SNX29: variants seen among roughly 807,000 people sequenced by gnomAD.
The protein encoded by SNX29 is sorting nexin 29, also known as sorting nexin-29.
SNX29 carries 78 observed loss-of-function variants against 102.1 expected under a neutral mutation model. The ratio of observed to expected loss-of-function variants is 0.76; its 90% confidence interval spans 0.64 to 0.92. The LOEUF is 0.92. Among genes scored for constraint, SNX29 ranks in the 40% least tolerant of loss-of-function variants. SNX29 has a pLI of 0.00. For missense variants in SNX29, 1,280 were observed against 1,061.7 expected (o/e 1.21, Z -2.86); for synonymous variants, 580 against 414.5 (o/e 1.40, Z -4.85).
chr16:12,113,634 G>A (rs350256), intron 11 of SNX29, among the ~76,000 whole-genome samples: 106,998 of 152,180 alleles, frequency 0.7, 39,355 homozygotes, highest in African/African-American at 0.92. Context: ...TGAGTATTTC[G>A]CATGCAATTA....
chr16:12,453,972 C>T (rs1050420413), intron 18 of SNX29, among the ~76,000 whole-genome samples: 1 of 151,712 alleles, frequency 6.6e-6, no homozygotes, highest in Non-Finnish European at 1.5e-5. Flanking sequence ...TTGTTTTTTT[C>T]CTTATCTCTT....
intron 13 of SNX29, among the ~76,000 whole-genome samples, chr16:12,144,269 T>A (rs1164395373): frequency 2.0e-5 from 3 of 152,156 alleles, no homozygotes; most frequent in African/African-American, 7.2e-5. Context: ...GTTTGAAAAA[T>A]ATAAAGAATA....
At chr16:12,545,331 G>A (rs185566069) in intron 20 of SNX29, among the ~76,000 whole-genome samples, 6 of 151,790 alleles carry the variant, frequency 4.0e-5, no homozygotes, top group Admixed American at 1.3e-4. Flanking sequence ...CAGAGAAAGG[G>A]TGTCACATAG....
At chr16:12,214,994 CAG>C (rs1468056642) in intron 14 of SNX29, among the ~76,000 whole-genome samples, 1 of 152,190 alleles carries the variant, frequency 6.6e-6, no homozygotes, top group South Asian at 2.1e-4. Flanking sequence ...GCTTCCAAAA[CAG>C]TGCCTGGTCC....
At chr16:12,136,245 T>C (rs923139940) in intron 13 of SNX29, among the ~76,000 whole-genome samples, 1 of 152,216 alleles carries the variant, frequency 6.6e-6, no homozygotes, top group Non-Finnish European at 1.5e-5. Context: ...TGGGGTGGCA[T>C]GGAACACTCT....
intron 1 of SNX29, among the ~76,000 whole-genome samples, chr16:11,993,088 A>G (rs969812275): frequency 6.6e-6 from 1 of 152,116 alleles, no homozygotes; most frequent in African/African-American, 2.4e-5. Context: ...TTGCTTGAAC[A>G]TGGGAGGTGG....
chr16:12,541,645 A>T (rs2077346664), intron 20 of SNX29, among the ~76,000 whole-genome samples: 1 of 152,138 alleles, frequency 6.6e-6, no homozygotes, highest in Non-Finnish European at 1.5e-5. Context: ...ATCTTCGTTC[A>T]GCCAGCTCCT....
chr16:12,396,470 C>G (rs1287803731), intron 16 of SNX29, among the ~76,000 whole-genome samples: 1 of 152,186 alleles, frequency 6.6e-6, no homozygotes, highest in African/African-American at 2.4e-5. Context: ...GTGAGTCCCC[C>G]TCTGGTCTGC....
intron 11 of SNX29, among the ~76,000 whole-genome samples, chr16:12,103,679 A>G (rs904186400): frequency 6.6e-6 from 1 of 152,264 alleles, no homozygotes; most frequent in African/African-American, 2.4e-5. Context: ...AACAAAAACC[A>G]AAATTGACAA....
chr16:12,533,801 C>T (rs1350393119), intron 20 of SNX29, among the ~76,000 whole-genome samples: 1 of 152,076 alleles, frequency 6.6e-6, no homozygotes, highest in Non-Finnish European at 1.5e-5. Flanking sequence ...CTCATAGGCC[C>T]CATCAAAAGG....
intron 11 of SNX29, among the ~76,000 whole-genome samples, chr16:12,082,139 G>T (rs1410550775): frequency 2.0e-5 from 3 of 151,360 alleles, no homozygotes; most frequent in South Asian, 2.1e-4. Context: ...GGTGTAGATG[G>T]ACAAGACTTG....
chr16:12,441,007 G>A (rs1030185949), intron 18 of SNX29, among the ~76,000 whole-genome samples: 3 of 151,810 alleles, frequency 2.0e-5, no homozygotes, highest in African/African-American at 7.3e-5. Context: ...TACAATACGT[G>A]GCCTTCTATG....
chr16:12,455,058 CTTTAA>C (rs1042936905), intron 18 of SNX29, among the ~76,000 whole-genome samples: 1 of 152,144 alleles, frequency 6.6e-6, no homozygotes, highest in African/African-American at 2.4e-5. Flanking sequence ...CGTTGGAGGA[CTTTAA>C]TTTACACTTG....
chr16:12,326,969 C>T (rs2081139068), intron 15 of SNX29, among the ~76,000 whole-genome samples: 5 of 152,180 alleles, frequency 3.3e-5, no homozygotes, highest in Admixed American at 3.3e-4. Context: ...GAGAGAAACA[C>T]TGAAGGCTTT....
At chr16:12,318,824 G>A (rs2080838272) in intron 15 of SNX29, among the ~76,000 whole-genome samples, 1 of 152,144 alleles carries the variant, frequency 6.6e-6, no homozygotes, top group Non-Finnish European at 1.5e-5. Flanking sequence ...ACGTGTAAGT[G>A]TGCATTCCTC....
intron 3 of SNX29, among the ~76,000 whole-genome samples, chr16:12,012,558 G>A (rs1474019018): frequency 6.6e-6 from 1 of 151,978 alleles, no homozygotes; most frequent in Non-Finnish European, 1.5e-5. Context: ...ACAGGCGCCT[G>A]CCCCCATGCC....
rs2079189333 is a variant in SNX29, at chr16:12,571,617, C to G, written c.*2988C>G. The G allele has an allele frequency of 1.9e-6, 2 of 1,059,978 alleles. No individual in the cohort carries two copies. The highest frequency in any genetic ancestry group is 1.0e-4 in the East Asian group (2 of 19,464). 65.7% of individuals were successfully genotyped at this position (1,059,978 alleles called of 1,614,324 possible). On this transcript the variant is annotated 3_prime_UTR_variant, in exon 21 of 21. Coordinates refer to ENST00000566228, the MANE Select transcript of SNX29 (RefSeq NM_032167.5). ...AAACAGAACAGCAGGTTCCATCTTT[C>G]ACATCTTTTTTTCTCCCCCAGATGA...
intron 20 of SNX29, chr16:12,557,402 G>C (rs939735713): frequency 6.6e-6 from 1 of 152,148 alleles, no homozygotes; most frequent in Non-Finnish European, 1.5e-5. Context: ...GCCACCTTTG[G>C]CTTTTGAGAC....
In SNX29 at chr16:12,078,908, G is replaced by A; in HGVS notation, c.1395G>A (p.Met465Ile). 6.2e-7 allele frequency: 1 copy of A among 1,602,208 alleles called. No homozygotes were observed. The highest frequency in any genetic ancestry group is 8.5e-7 in the Non-Finnish European group (1 of 1,174,544). ...CTTCTGCCTCAGTGCCAGAGTCCATGACAATTAGTAAGTACTTTCGCAGCC... is the reference window on the plus strand; with the variant it reads ...CTTCTGCCTCAGTGCCAGAGTCCATAACAATTAGTAAGTACTTTCGCAGCC... ...LLPSASVPES[M>I]TISELRQATV... The change falls in exon 11 of 21, where the codon ATG becomes ATA. Residue 465 changes from methionine (M) to isoleucine (I), a missense_variant. Transcript: ENST00000566228.
Sources: gnomAD v4.1 joint callset for allele counts (sites outside exome capture counted in the v4.1 genomes callset) on GRCh38, gnomAD v4.1.1 for gene constraint, MANE v1.5 for transcripts, NCBI Gene and HGNC (gene_info 2026-07-23, HGNC 2026-07-21) for gene names.